Variants in ZNF804B observed in about 807,000 individuals in gnomAD.
The protein encoded by ZNF804B is zinc finger protein 804B, also known as zinc finger 804B.
A neutral mutation model predicts 101.4 loss-of-function variants in ZNF804B; 80 were observed. The ratio of observed to expected loss-of-function variants is 0.79; its 90% CI spans 0.66 to 0.95. The LOEUF (loss-of-function observed/expected upper bound fraction) is 0.95. Ranked by LOEUF, ZNF804B falls within the 40% of genes least tolerant of loss-of-function variation. The pLI is 0.00. For missense variants in ZNF804B, 1,673 were observed against 1,561.9 expected, an observed-to-expected ratio of 1.07 and a Z score of -1.20; for synonymous variants, 622 against 558.8, an observed-to-expected ratio of 1.11 and a Z score of -1.59.
intron 1 of ZNF804B, among the ~76,000 whole-genome samples, chr7:88,926,419 T>G (rs1792798425): frequency 1.5e-5 from 2 of 131,372 alleles, no homozygotes; most frequent in African/African-American, 6.6e-5. Context: ...AAACCCCATG[T>G]CTATTAAAAA....
chr7:88,837,398 A>G (rs931012877), intron 1 of ZNF804B, among the ~76,000 whole-genome samples: 2 of 151,948 alleles, frequency 1.3e-5, no homozygotes, highest in African/African-American at 2.4e-5. Context: ...GATTTTTCTG[A>G]TAAGGATGTG....
At chr7:89,145,221 A>G (rs1437644081) in intron 1 of ZNF804B, among the ~76,000 whole-genome samples, 2 of 152,092 alleles carry the variant, frequency 1.3e-5, no homozygotes, top group Admixed American at 6.6e-5. Flanking sequence ...ACTTAATTAT[A>G]TATTTAATAG....
chr7:88,932,734 C>T (rs1007940407), intron 1 of ZNF804B, among the ~76,000 whole-genome samples: 7 of 151,356 alleles, frequency 4.6e-5, no homozygotes, highest in African/African-American at 7.3e-5. Flanking sequence ...TAACAAGCAG[C>T]GAGATTGAAT....
intron 1 of ZNF804B, among the ~76,000 whole-genome samples, chr7:88,793,121 T>C (rs1423018699): frequency 6.6e-6 from 1 of 152,090 alleles, no homozygotes; most frequent in Non-Finnish European, 1.5e-5. Flanking sequence ...TTTCGTAAGA[T>C]GTTAAGGTGA....
At chr7:89,078,876 G>T (rs1044559310) in intron 1 of ZNF804B, among the ~76,000 whole-genome samples, 4 of 151,874 alleles carry the variant, frequency 2.6e-5, no homozygotes, top group Non-Finnish European at 5.9e-5. Flanking sequence ...GATATTATAA[G>T]ATATATAAAG....
chr7:89,050,622 T>A (rs1789186998), intron 1 of ZNF804B, among the ~76,000 whole-genome samples: 1 of 152,188 alleles, frequency 6.6e-6, no homozygotes, highest in East Asian at 1.9e-4. Context: ...AATACAATTC[T>A]CATCTTCTAA....
chr7:88,822,430 A>T (rs1790997375), intron 1 of ZNF804B, among the ~76,000 whole-genome samples: 1 of 152,202 alleles, frequency 6.6e-6, no homozygotes, highest in African/African-American at 2.4e-5. Flanking sequence ...TACAGCCCAC[A>T]GGCCAGTTGG....
At chr7:89,146,796 C>T (rs555850092) in intron 1 of ZNF804B, among the ~76,000 whole-genome samples, 1 of 151,844 alleles carries the variant, frequency 6.6e-6, no homozygotes, top group South Asian at 2.1e-4. Flanking sequence ...GAGGCTGAGA[C>T]GGGGTAGATT....
intron 3 of ZNF804B, among the ~76,000 whole-genome samples, chr7:89,330,402 G>A (rs539801088): frequency 5.3e-5 from 8 of 151,628 alleles, no homozygotes; most frequent in South Asian, 4.1e-4. Flanking sequence ...TGGTAACTAC[G>A]TGTATGATAG....
chr7:88,811,305 T>C (rs1252194259), intron 1 of ZNF804B, among the ~76,000 whole-genome samples: 4 of 152,088 alleles, frequency 2.6e-5, no homozygotes, highest in Non-Finnish European at 5.9e-5. Flanking sequence ...CACAATGAGA[T>C]ACAATTTCAC....
rs567013080 is a variant in ZNF804B, at chr7:88,828,382, T to A, written c.108+68298T>A. Among the ~76,000 whole-genome samples, 4 of 152,050 alleles carry A rather than the reference T, an allele frequency of 2.6e-5. No individual in the cohort carries two copies. In the South Asian group the frequency reaches 8.3e-4, roughly 32 times the overall value. On this transcript the variant is annotated intron_variant, in intron 1 of 3. Transcript: ENST00000333190. ...TTCTGGTTTCTATGATTCAGTGTAT[T>A]TTTTTTTCCTTCAGTTTAAGTGGAA...
chr7:89,138,296 C>T (rs1259215873), intron 1 of ZNF804B, among the ~76,000 whole-genome samples: 2 of 152,058 alleles, frequency 1.3e-5, no homozygotes, highest in South Asian at 2.1e-4. Flanking sequence ...GGTAGATTCA[C>T]CAACAGCTTG....
intron 1 of ZNF804B, among the ~76,000 whole-genome samples, chr7:89,046,914 T>A (rs372738665): frequency 2.0e-5 from 3 of 152,264 alleles, no homozygotes; most frequent in East Asian, 3.9e-4. Flanking sequence ...TTTCTTGTAA[T>A]CATTCCTTAT....
intron 1 of ZNF804B, among the ~76,000 whole-genome samples, chr7:88,782,071 A>T (rs1423094781): frequency 6.6e-6 from 1 of 150,914 alleles, no homozygotes; most frequent in African/African-American, 2.4e-5. Flanking sequence ...CCAATTTGTA[A>T]GTAGTGACTA....
At chr7:88,770,201 C>T (rs1435642028) in intron 1 of ZNF804B, among the ~76,000 whole-genome samples, 1 of 152,082 alleles carries the variant, frequency 6.6e-6, no homozygotes, top group African/African-American at 2.4e-5. Context: ...GTCCCCAAAA[C>T]CTACAAATCC....
At chr7:89,000,412 C>T (rs749214733) in intron 1 of ZNF804B, among the ~76,000 whole-genome samples, 1 of 151,842 alleles carries the variant, frequency 6.6e-6, no homozygotes, top group Non-Finnish European at 1.5e-5. Context: ...TATTTCAGTA[C>T]ATCAGGTGTT....
intron 1 of ZNF804B, among the ~76,000 whole-genome samples, chr7:88,845,297 G>GCACACACACACACACACACACACACACA (rs200482259): frequency 8.3e-6 from 1 of 119,812 alleles, no homozygotes; most frequent in Non-Finnish European, 1.7e-5. Flanking sequence ...GCGCGCACGC[G>GCACACACACACACACACACACACACACA]CGCGCACACA....
intron 1 of ZNF804B, among the ~76,000 whole-genome samples, chr7:89,189,065 CAG>C (rs1255732872): frequency 6.6e-6 from 1 of 152,062 alleles, no homozygotes; most frequent in Non-Finnish European, 1.5e-5. Context: ...GAATTCCTAA[CAG>C]GGGATAATGT....
chr7:88,880,309 A>C (rs2115905838), intron 1 of ZNF804B, among the ~76,000 whole-genome samples: 1 of 152,316 alleles, frequency 6.6e-6, no homozygotes, highest in East Asian at 1.9e-4. Context: ...GAATGCCATA[A>C]AAATATTTAC....
Sources: gnomAD v4.1 joint callset for allele counts (sites outside exome capture counted in the v4.1 genomes callset) on GRCh38, gnomAD v4.1.1 for gene constraint, MANE v1.5 for transcripts, NCBI Gene and HGNC (gene_info 2026-07-23, HGNC 2026-07-21) for gene names.